TRIM66: variants seen among roughly 807,000 people sequenced by gnomAD.
TRIM66 encodes the protein tripartite motif containing 66, also known as tripartite motif-containing protein 66.
Under a neutral mutation model 148.2 loss-of-function variants are expected in TRIM66, and 99 were observed. The observed-to-expected ratio is 0.67, with a 90% CI of 0.57 to 0.79. The LOEUF (loss-of-function observed/expected upper bound fraction) is 0.79, where lower values mean the gene tolerates loss of function less well. Ranked by LOEUF, TRIM66 falls within the 30% of genes least tolerant of loss-of-function variation. The pLI, the probability that TRIM66 is intolerant of heterozygous loss-of-function variation, is 0.00. For synonymous variants in TRIM66, 616 were observed against 635.9 expected, an observed-to-expected ratio of 0.97 and a Z score of 0.47; for missense variants, 1,666 against 1,697.9, an observed-to-expected ratio of 0.98 and a Z score of 0.33.
At chr11:8,668,314 T>A (rs2038724836) in intron 6 of TRIM66, among the ~76,000 whole-genome samples, 1 of 152,146 alleles carries the variant, frequency 6.6e-6, no homozygotes, top group Admixed American at 6.5e-5. Flanking sequence ...ATTCTAGATA[T>A]TAACCCAACA....
intron 6 of TRIM66, among the ~76,000 whole-genome samples, chr11:8,653,982 T>G (rs1253176679): frequency 6.6e-6 from 1 of 152,120 alleles, no homozygotes; most frequent in Non-Finnish European, 1.5e-5. Flanking sequence ...TCTCTTCCAC[T>G]TGGCTCACCC....
intron 6 of TRIM66, 46 bp from the exon 7 acceptor site, chr11:8,651,949 T>C: frequency 6.8e-7 from 1 of 1,470,602 alleles, no homozygotes; most frequent in Non-Finnish European, 9.3e-7. Context: ...CATGGCTGAT[T>C]ATAACTAAGG....
intron 6 of TRIM66, among the ~76,000 whole-genome samples, chr11:8,656,063 C>T (rs776619614): frequency 4.6e-5 from 7 of 152,190 alleles, no homozygotes; most frequent in Non-Finnish European, 8.8e-5. Flanking sequence ...CCCTTTGTGT[C>T]ACAACACCTT....
rs1414096306 is a variant in TRIM66 at position 8,640,865 on chromosome 11, C to T, written c.1510G>A (p.Gly504Arg). ...AGCAGGGCAGAGCACTGCAGAGACC[C>T]CAGCTGCTGGGGCACCATCTCAGGG... Reference protein sequence around the residue: ...QPPEMVPQQLGSLQCSALLPR... With the variant: ...QPPEMVPQQLRSLQCSALLPR... Residue 504 changes from glycine (G) to arginine (R), a missense_variant, in exon 14 of 25, where the codon GGG becomes AGG. Physicochemically the swap from Gly to Arg is moderately radical, Grantham distance 125. Coordinates refer to ENST00000646038, the MANE Select transcript of TRIM66 (RefSeq NM_001388022.1). The T allele has an allele frequency of 6.5e-7, 1 of 1,550,376 alleles. No homozygotes were observed. Among genetic ancestry groups the T allele is most frequent in the Non-Finnish European group, 8.7e-7 (1 of 1,146,940 alleles).
chr11:8,675,928 G>A (rs998257966), intron 3 of TRIM66, among the ~76,000 whole-genome samples: 3 of 152,114 alleles, frequency 2.0e-5, no homozygotes, highest in East Asian at 3.9e-4. Context: ...TAGTAGAGAC[G>A]GGGTTTCACC....
chr11:8,644,442 GA>G (rs142120648), intron 12 of TRIM66: 4 of 448,928 alleles, frequency 8.9e-6, no homozygotes, highest in East Asian at 7.0e-5. Flanking sequence ...ATTTCACAGA[GA>G]AAAAAAAGAC....
chr11:8,672,622 T>C (rs902827312), intron 4 of TRIM66, among the ~76,000 whole-genome samples: 2 of 140,834 alleles, frequency 1.4e-5, no homozygotes, highest in African/African-American at 2.8e-5. Flanking sequence ...CCAGTCTCTT[T>C]TTTTTTTTTT....
At chr11:8,665,709 G>A (rs966624945) in intron 6 of TRIM66, among the ~76,000 whole-genome samples, 3 of 152,198 alleles carry the variant, frequency 2.0e-5, no homozygotes, top group African/African-American at 7.2e-5. Flanking sequence ...TGTAATCCCA[G>A]CACTTTGGGA....
In TRIM66 at chr11:8,618,956, C is replaced by G; in HGVS notation, c.3913G>C (p.Val1305Leu). Reference sequence around the variant, plus strand: ...TCCAGGCAGCGGCCAGCCTCTGCAACCTCGGAGTCAGGCTGATGGGGGAGG... The same window carrying G: ...TCCAGGCAGCGGCCAGCCTCTGCAAGCTCGGAGTCAGGCTGATGGGGGAGG... ...CAKFNYPDSE[V>L]AEAGRCLEVF... is the part of the protein sequence containing the mutation. The change falls in exon 24 of 25, where the codon GTT (valine) becomes CTT (leucine). Residue 1305 changes from valine to leucine, a missense_variant. This residue lies in a region of TRIM66 where 204 missense variants were observed against 231.0 expected (regional missense o/e 0.88). Coordinates refer to ENST00000646038, the MANE Select transcript of TRIM66 (RefSeq NM_001388022.1). The G allele has an allele frequency of 1.3e-6, 2 of 1,551,440 alleles. No individual in the cohort carries two copies. Among genetic ancestry groups the G allele is most frequent in the Non-Finnish European group, 1.7e-6 (2 of 1,146,946 alleles).
At chr11:8,619,599 T>C (rs1399762415) in intron 22 of TRIM66, 64 bp from the exon 23 acceptor site, 2 of 1,391,186 alleles carry the variant, frequency 1.4e-6, no homozygotes, top group Non-Finnish European at 1.9e-6. Context: ...GAGGTGTGGA[T>C]AAGAAGGAAG....
chr11:8,655,220 G>C (rs2037720221), intron 6 of TRIM66, among the ~76,000 whole-genome samples: 1 of 152,162 alleles, frequency 6.6e-6, no homozygotes, highest in Non-Finnish European at 1.5e-5. Flanking sequence ...TCACAGCACT[G>C]AAAGTAGTAA....
chr11:8,672,939 T>A (rs2039010621), intron 4 of TRIM66, among the ~76,000 whole-genome samples: 1 of 60,748 alleles, frequency 1.6e-5, no homozygotes. Context: ...CCCATACTCT[T>A]TTTTTTTTTT....
At position 8,640,636 on chromosome 11, in the gene TRIM66, T is replaced by C. The variant is rs1190493233; in HGVS notation, c.1739A>G (p.Gln580Arg). The change falls in exon 14 of 25, where the codon CAA (glutamine) becomes CGA (arginine). Residue 580 changes from glutamine (Q) to arginine (R), a missense_variant. Gln to Arg is a conservative substitution (Grantham distance 43). This residue lies in a region of TRIM66 where 1,431 missense variants were observed against 1,412.4 expected (regional missense o/e 1.01). Transcript: ENST00000646038. The stretch of plus-strand genomic sequence containing the variant: ...CTTCTGGTGGTGGCCAAACTGGACT[T>C]GGATAGAGGGTGTCTGTAAGGTGGG... ...AQPTLQTPSI[Q>R]VQFGHHQKLK... 6.4e-7 allele frequency: 1 copy of C among 1,551,352 alleles called. No homozygotes were observed. Among genetic ancestry groups the C allele is most frequent in the South Asian group, 1.2e-5 (1 of 84,026 alleles).
At chr11:8,673,123 G>A (rs1208533004) in intron 4 of TRIM66, among the ~76,000 whole-genome samples, 1 of 148,930 alleles carries the variant, frequency 6.7e-6, no homozygotes. Flanking sequence ...TGTATTTTTA[G>A]TAGAGACGGG....
At chr11:8,621,497 G>C in intron 19 of TRIM66, 148 bp downstream of exon 19, 1 of 1,276,872 alleles carries the variant, frequency 7.8e-7, no homozygotes, top group Non-Finnish European at 1.0e-6. Context: ...CATCTCACAG[G>C]ACCTTGCAGC....
intron 17 of TRIM66, among the ~76,000 whole-genome samples, chr11:8,623,124 A>C (rs1198624251): frequency 1.3e-5 from 2 of 152,218 alleles, no homozygotes; most frequent in African/African-American, 4.8e-5. Flanking sequence ...GCCTATGGGT[A>C]AGTGTTGGGT....
intron 24 of TRIM66, 114 bp from the exon 25 acceptor site, chr11:8,618,117 A>T: frequency 9.7e-7 from 1 of 1,028,358 alleles, no homozygotes; most frequent in Non-Finnish European, 1.5e-6. Flanking sequence ...ATTCTACCCT[A>T]GGAATGCAGC....
Position 8,656,420 on chromosome 11 carries a change from G to A in TRIM66, c.341-4517C>T, listed in dbSNP as rs553734756. Among the ~76,000 whole-genome samples the A allele has an allele frequency of 2.6e-5, 4 of 152,198 alleles. No individual in the cohort carries two copies. The South Asian group carries it at 6.2e-4, about 24-fold the overall frequency. ...AAGAACACTGATTCTGAGAAATATA[G>A]AGACAGGGCCCCAAGTCCACATGAT... is the stretch of plus-strand genomic sequence containing the variant. On this transcript the variant is annotated intron_variant, in intron 6 of 24. Transcript: ENST00000646038.
intron 6 of TRIM66, among the ~76,000 whole-genome samples, chr11:8,653,596 C>A (rs570880856): frequency 6.6e-6 from 1 of 152,184 alleles, no homozygotes; most frequent in Non-Finnish European, 1.5e-5. Context: ...CAGGCCAAAC[C>A]AGAAGAATTA....
Sources: allele counts gnomAD v4.1 joint callset (sites outside exome capture counted in the v4.1 genomes callset), GRCh38; gene constraint gnomAD v4.1.1; regional missense constraint gnomAD v4.1.1; transcripts MANE v1.5; gene names NCBI Gene and HGNC (gene_info 2026-07-23, HGNC 2026-07-21).